Variants in FNDC3B observed in about 807,000 individuals in gnomAD.
The protein encoded by FNDC3B is fibronectin type III domain containing 3B.
A neutral mutation model predicts 151.5 loss-of-function variants in FNDC3B; 12 were observed. The observed-to-expected ratio is 0.08, with a 90% CI of 0.05 to 0.13. The LOEUF (loss-of-function observed/expected upper bound fraction) is 0.13, where lower values mean the gene tolerates loss of function less well. FNDC3B is among the 10% of genes least tolerant of loss of function. The probability of loss-of-function intolerance (pLI) is 1.00; values close to 1 mark genes in which losing one functional copy is unlikely to be tolerated. For missense variants in FNDC3B, 1,214 were observed against 1,505.3 expected (o/e 0.81, Z 3.20); for synonymous variants, 528 against 549.0 (o/e 0.96, Z 0.54).
At chr3:172,259,705 A>G (rs911476005) in intron 6 of FNDC3B, among the ~76,000 whole-genome samples, 1 of 152,192 alleles carries the variant, frequency 6.6e-6, no homozygotes, top group Non-Finnish European at 1.5e-5. Flanking sequence ...TAATTAGTAG[A>G]GTATATAATT....
At chr3:172,077,080 A>T (rs936374447) in intron 1 of FNDC3B, among the ~76,000 whole-genome samples, 2 of 152,208 alleles carry the variant, frequency 1.3e-5, no homozygotes, top group African/African-American at 4.8e-5. Flanking sequence ...GAAAATGATG[A>T]TAGGTAAATA....
At chr3:172,081,492 G>T (rs1718277522) in intron 1 of FNDC3B, among the ~76,000 whole-genome samples, 4 of 152,022 alleles carry the variant, frequency 2.6e-5, no homozygotes, top group Middle Eastern at 6.8e-3. Context: ...ATTATTATGG[G>T]TACATAATAG....
chr3:172,113,360 CA>C (rs1720074619), intron 2 of FNDC3B, among the ~76,000 whole-genome samples: 1 of 152,144 alleles, frequency 6.6e-6, no homozygotes, highest in South Asian at 2.1e-4. Flanking sequence ...ACTAATAATT[CA>C]AATAAGTTAA....
intron 3 of FNDC3B, among the ~76,000 whole-genome samples, chr3:172,194,173 T>C (rs1724710633): frequency 6.6e-6 from 1 of 151,942 alleles, no homozygotes; most frequent in Non-Finnish European, 1.5e-5. Context: ...TGAGCCGAGA[T>C]CACGCCACTG....
chr3:172,111,555 A>C (rs1719967907), intron 1 of FNDC3B, among the ~76,000 whole-genome samples: 1 of 152,318 alleles, frequency 6.6e-6, no homozygotes, highest in South Asian at 2.1e-4. Context: ...TTTAAAGTAA[A>C]AAAGTTTATA....
chr3:172,072,997 T>C (rs1022739684), intron 1 of FNDC3B, among the ~76,000 whole-genome samples: 2 of 152,184 alleles, frequency 1.3e-5, no homozygotes, highest in African/African-American at 4.8e-5. Context: ...CCAGCCATGG[T>C]GGGGCTCTGA....
At chr3:172,197,273 G>A (rs960854297) in intron 3 of FNDC3B, among the ~76,000 whole-genome samples, 7 of 152,082 alleles carry the variant, frequency 4.6e-5, no homozygotes, top group African/African-American at 1.7e-4. Context: ...TACAAATACG[G>A]TGCAAAATAC....
intron 3 of FNDC3B, among the ~76,000 whole-genome samples, chr3:172,134,204 GTTATT>G (rs1721248737): frequency 6.6e-6 from 1 of 152,154 alleles, no homozygotes; most frequent in African/African-American, 2.4e-5. Context: ...TTTGGGTGTA[GTTATT>G]TTATTACAGC....
intron 6 of FNDC3B, among the ~76,000 whole-genome samples, chr3:172,259,642 G>A (rs1450067891): frequency 6.6e-6 from 1 of 152,106 alleles, no homozygotes; most frequent in Non-Finnish European, 1.5e-5. Context: ...TTTTACTAGT[G>A]CAAAGGCAAA....
intron 1 of FNDC3B, among the ~76,000 whole-genome samples, chr3:172,069,202 T>C (rs1401445386): frequency 6.6e-6 from 1 of 152,230 alleles, no homozygotes; most frequent in African/African-American, 2.4e-5. Flanking sequence ...ATTTAGCAGG[T>C]CACTCTAGTA....
At chr3:172,089,799 G>A (rs1406249630) in intron 1 of FNDC3B, among the ~76,000 whole-genome samples, 1 of 152,176 alleles carries the variant, frequency 6.6e-6, no homozygotes, top group Non-Finnish European at 1.5e-5. Context: ...GCCATAAGTG[G>A]AAAACTATGT....
At chr3:172,334,813 G>A in intron 14 of FNDC3B, 131 bp from the exon 15 acceptor site, 1 of 748,950 alleles carries the variant, frequency 1.3e-6, no homozygotes, top group Admixed American at 2.6e-5. Context: ...TAATACTTGA[G>A]TTGAAAGAGA....
At chr3:172,371,386 G>A (rs892740664) in intron 23 of FNDC3B, among the ~76,000 whole-genome samples, 1 of 152,118 alleles carries the variant, frequency 6.6e-6, no homozygotes, top group Non-Finnish European at 1.5e-5. Context: ...CACAGATATG[G>A]AACCTAGGGA....
chr3:172,065,895 G>T (rs1338645513), intron 1 of FNDC3B, among the ~76,000 whole-genome samples: 1 of 152,026 alleles, frequency 6.6e-6, no homozygotes, highest in Non-Finnish European at 1.5e-5. Context: ...TTGCTTTAGA[G>T]TTATGAGTCT....
At position 172,046,942 on chromosome 3, in the gene FNDC3B, A is replaced by G. The variant is rs1302520705; in HGVS notation, c.-29+7171A>G. The G allele has an allele frequency of 2.0e-5, 3 of 152,198 alleles. No individual in the cohort carries two copies. The South Asian group carries it at 6.2e-4, about 31-fold the overall frequency. 9.4% of individuals were successfully genotyped at this position (152,198 alleles called of 1,614,324 possible). ...TCTACCACCAAACTCCTAAGGCTGG[A>G]TGGTGGTAAGTTCAACTCTTTGCTA... On this transcript the variant is annotated intron_variant, in intron 1 of 25. Transcript: ENST00000415807.
chr3:172,086,192 G>A (rs576621108), intron 1 of FNDC3B, among the ~76,000 whole-genome samples: 47 of 152,072 alleles, frequency 3.1e-4, no homozygotes, highest in African/African-American at 1.1e-3. Context: ...GAGATGACGT[G>A]TCTACAATAA....
chr3:172,132,014 A>G (rs1721131253), intron 2 of FNDC3B, among the ~76,000 whole-genome samples: 1 of 152,252 alleles, frequency 6.6e-6, no homozygotes, highest in Non-Finnish European at 1.5e-5. Context: ...AAAGGCAGAC[A>G]CTAACATAAT....
At chr3:172,277,308 G>T (rs1729483652) in intron 6 of FNDC3B, among the ~76,000 whole-genome samples, 1 of 152,196 alleles carries the variant, frequency 6.6e-6, no homozygotes, top group Non-Finnish European at 1.5e-5. Flanking sequence ...ATTTCTTACA[G>T]TTCTGAAGGC....
At chr3:172,379,779 G>C (rs941704308) in intron 24 of FNDC3B, among the ~76,000 whole-genome samples, 1 of 152,078 alleles carries the variant, frequency 6.6e-6, no homozygotes, top group African/African-American at 2.4e-5. Context: ...GGTCTTTCTA[G>C]AAAGTATGAA....
Sources: gnomAD v4.1 joint callset for allele counts (sites outside exome capture counted in the v4.1 genomes callset) on GRCh38, gnomAD v4.1.1 for gene constraint, MANE v1.5 for transcripts, NCBI Gene and HGNC (gene_info 2026-07-23, HGNC 2026-07-21) for gene names.